FHIP1A: variants seen among roughly 807,000 people sequenced by gnomAD.
FHIP1A encodes the protein FHF complex subunit HOOK interacting protein 1A.
In FHIP1A, 61 loss-of-function variants were observed where a neutral mutation model predicts 88.6. The ratio of observed to expected loss-of-function variants is 0.69; its 90% CI spans 0.56 to 0.85. The LOEUF (loss-of-function observed/expected upper bound fraction) is 0.85, where lower values mean the gene tolerates loss of function less well. FHIP1A is among the 40% of genes least tolerant of loss of function. The pLI is 0.00. For missense variants in FHIP1A, 1,154 were observed against 1,273.5 expected, an observed-to-expected ratio of 0.91 and a Z score of 1.43; for synonymous variants, 478 against 496.0, an observed-to-expected ratio of 0.96 and a Z score of 0.48.
chr4:151,565,177 C>CGAT (rs1373136248), intron 3 of FHIP1A, among the ~76,000 whole-genome samples: 6 of 152,090 alleles, frequency 3.9e-5, no homozygotes. Context: ...TCTTCCCAAT[C>CGAT]TGTACACGAA....
intron 7 of FHIP1A, among the ~76,000 whole-genome samples, chr4:151,597,209 T>C (rs966120140): frequency 6.6e-6 from 1 of 152,188 alleles, no homozygotes; most frequent in Non-Finnish European, 1.5e-5. Context: ...GATGGGGTTT[T>C]TGAGTGGACG....
chr4:151,463,050 T>C (rs144503537), intron 2 of FHIP1A, among the ~76,000 whole-genome samples: 3 of 152,360 alleles, frequency 2.0e-5, no homozygotes, highest in African/African-American at 7.2e-5. Context: ...TTAGAGCTCC[T>C]GTGAGCTCCT....
chr4:151,542,335 GA>G (rs1474896715), intron 3 of FHIP1A, among the ~76,000 whole-genome samples: 3 of 152,124 alleles, frequency 2.0e-5, no homozygotes, highest in Non-Finnish European at 2.9e-5. Flanking sequence ...GCCCTTGGTG[GA>G]ATGTGACTTG....
At chr4:151,545,599 G>T (rs1391329176) in intron 3 of FHIP1A, among the ~76,000 whole-genome samples, 1 of 151,160 alleles carries the variant, frequency 6.6e-6, no homozygotes, top group Non-Finnish European at 1.5e-5. Flanking sequence ...GGATGGTCTC[G>T]ATCTCCTGAC....
At chr4:151,516,072 A>G (rs1426519718) in intron 3 of FHIP1A, among the ~76,000 whole-genome samples, 1 of 152,234 alleles carries the variant, frequency 6.6e-6, no homozygotes, top group African/African-American at 2.4e-5. Flanking sequence ...TACAGTAACC[A>G]AAACAGCATG....
chr4:151,584,494 G>A (rs1160775999), intron 5 of FHIP1A, among the ~76,000 whole-genome samples: 1 of 152,088 alleles, frequency 6.6e-6, no homozygotes, highest in African/African-American at 2.4e-5. Context: ...GTGATGCCAG[G>A]CATTGTGGAT....
chr4:151,656,209 G>A lies in FHIP1A; in HGVS notation c.2552-23G>A, dbSNP rs1303572440. 3.0e-5 allele frequency: 47 copies of A among 1,547,144 alleles called. No individual in the cohort carries two copies. The highest frequency in any genetic ancestry group is 3.7e-5 in the Non-Finnish European group (42 of 1,143,310). On this transcript the variant is annotated intron_variant, in intron 11 of 13. Coordinates refer to ENST00000435205, the MANE Select transcript of FHIP1A (RefSeq NM_001109977.3). This position sits in a 1 kb window ranked among gnomAD's most constrained non-coding sequence, Gnocchi z 4.2. Reference sequence around the variant, plus strand: ...CATCCCTGTGAGCCCAGCCAGCCCTGAAGCCTTGTGTTCTTCCTGCAGGCC... The same window carrying A: ...CATCCCTGTGAGCCCAGCCAGCCCTAAAGCCTTGTGTTCTTCCTGCAGGCC...
intron 3 of FHIP1A, among the ~76,000 whole-genome samples, chr4:151,533,399 A>G (rs1227738465): frequency 6.7e-6 from 1 of 148,942 alleles, no homozygotes; most frequent in Non-Finnish European, 1.5e-5. Context: ...TAGGAAACAG[A>G]TCGAGGCCCT....
intron 3 of FHIP1A, among the ~76,000 whole-genome samples, chr4:151,489,178 C>T (rs2126644519): frequency 6.6e-6 from 1 of 152,170 alleles, no homozygotes; most frequent in Non-Finnish European, 1.5e-5. Flanking sequence ...CCTGAAAATC[C>T]AGCTCACAGG....
chr4:151,447,797 G>A (rs1728659084), intron 1 of FHIP1A, among the ~76,000 whole-genome samples: 1 of 152,176 alleles, frequency 6.6e-6, no homozygotes, highest in South Asian at 2.1e-4. Flanking sequence ...AGGTACAAAG[G>A]AAGACCATGT....
At chr4:151,625,118 T>C (rs1188578709) in intron 7 of FHIP1A, among the ~76,000 whole-genome samples, 1 of 152,118 alleles carries the variant, frequency 6.6e-6, no homozygotes, top group Admixed American at 6.5e-5. Context: ...TAGCCTGTGT[T>C]CCCTGTTAAG....
Position 151,666,332 on chromosome 4 carries a change from T to C in FHIP1A, c.*3578T>C, listed in dbSNP as rs1737663917. On this transcript the variant is annotated 3_prime_UTR_variant, in exon 14 of 14. Transcript: ENST00000435205. ...GGTATTTAGAGGAATTGTGAAGTGG[T>C]CCCCATTTTGTGGAGTATCATTTTG... 6.6e-6 allele frequency among the ~76,000 whole-genome samples: 1 copy of C among 152,156 alleles called. No homozygotes were observed. Among genetic ancestry groups the C allele is most frequent in the Non-Finnish European group, 1.5e-5 (1 of 68,030 alleles).
chr4:151,524,726 T>C (rs1332379426), intron 3 of FHIP1A, among the ~76,000 whole-genome samples: 2 of 152,184 alleles, frequency 1.3e-5, no homozygotes, highest in South Asian at 2.1e-4. Context: ...TTGGAAACCA[T>C]TGTAGGCTTC....
intron 7 of FHIP1A, among the ~76,000 whole-genome samples, chr4:151,607,403 T>C (rs1207426498): frequency 6.6e-6 from 1 of 152,216 alleles, no homozygotes; most frequent in Non-Finnish European, 1.5e-5. Flanking sequence ...AGGCCAGTTT[T>C]AGACAGACTA....
At chr4:151,597,285 C>T (rs976588166) in intron 7 of FHIP1A, among the ~76,000 whole-genome samples, 2 of 152,160 alleles carry the variant, frequency 1.3e-5, no homozygotes, top group Admixed American at 1.3e-4. Flanking sequence ...AGTCAGGCCC[C>T]TCTGCTGCAG....
At chr4:151,598,972 C>T (rs1020339098) in intron 7 of FHIP1A, among the ~76,000 whole-genome samples, 2 of 152,118 alleles carry the variant, frequency 1.3e-5, no homozygotes, top group African/African-American at 4.8e-5. Flanking sequence ...AGGTGCTGCC[C>T]CCAGCCCCAC....
chr4:151,547,200 A>G (rs913284678), intron 3 of FHIP1A, among the ~76,000 whole-genome samples: 3 of 152,220 alleles, frequency 2.0e-5, no homozygotes, highest in Non-Finnish European at 4.4e-5. Flanking sequence ...ATGTGTGAGC[A>G]GTGGCAGAAG....
At position 151,502,519 on chromosome 4, in the gene FHIP1A, G is replaced by A. The variant is rs115780558; in HGVS notation, c.-123+19871G>A. ...CAAAAGAAGATTTGAGCAGGTGGAA[G>A]AAAGAATTAGGAAACTTTTAGATAG... On this transcript the variant is annotated intron_variant, in intron 3 of 13. Transcript: ENST00000435205. Among the ~76,000 whole-genome samples, 850 of 152,280 alleles carry A rather than the reference G, an allele frequency of 5.6e-3. 6 individuals carry two copies. The highest frequency in any genetic ancestry group is 0.019 in the African/African-American group (774 of 41,574).
intron 7 of FHIP1A, among the ~76,000 whole-genome samples, chr4:151,612,749 C>T (rs1735373239): frequency 6.6e-6 from 1 of 152,158 alleles, no homozygotes; most frequent in South Asian, 2.1e-4. Flanking sequence ...CTTGTGCCAT[C>T]TAGTGGATCT....
Sources: gnomAD v4.1 joint callset for allele counts (sites outside exome capture counted in the v4.1 genomes callset) on GRCh38, gnomAD v4.1.1 for gene constraint, Gnocchi (gnomAD v3.1) non-coding constraint, MANE v1.5 for transcripts, NCBI Gene and HGNC (gene_info 2026-07-23, HGNC 2026-07-21) for gene names.